The following DYTN variants were observed in gnomAD, a reference collection of about 807,000 sequenced individuals.
The protein encoded by DYTN is dystrotelin.
DYTN carries 75 observed loss-of-function variants against 69.6 expected under a neutral mutation model. The ratio of observed to expected loss-of-function variants is 1.08; its 90% confidence interval spans 0.89 to 1.31. The LOEUF (loss-of-function observed/expected upper bound fraction) is 1.31. Among genes scored for constraint, DYTN ranks in the 50% most tolerant of loss-of-function variants. The pLI is 0.00. For missense variants in DYTN, 726 were observed against 688.4 expected (o/e 1.05, Z -0.61); for synonymous variants, 252 against 249.1 (o/e 1.01, Z -0.11).
chr2:206,684,097 C>A (rs978480995), intron 9 of DYTN, among the ~76,000 whole-genome samples: 36 of 151,700 alleles, frequency 2.4e-4, no homozygotes, highest in Middle Eastern at 6.8e-3. Flanking sequence ...ATTGATGTAG[C>A]CCAAGTTCCT....
chr2:206,703,583 T>C (rs1244134711), intron 5 of DYTN, among the ~76,000 whole-genome samples: 1 of 152,238 alleles, frequency 6.6e-6, no homozygotes, highest in Non-Finnish European at 1.5e-5. Flanking sequence ...TAAATATTAA[T>C]TATTGTCATC....
intron 9 of DYTN, among the ~76,000 whole-genome samples, chr2:206,692,696 G>T (rs1435207331): frequency 1.3e-5 from 2 of 152,000 alleles, no homozygotes; most frequent in Non-Finnish European, 2.9e-5. Flanking sequence ...AACTAAGAAT[G>T]AAAAATTGTA....
chr2:206,704,991 T>C (rs16838626), intron 4 of DYTN, 48 bp from the exon 5 acceptor site: 437,400 of 1,458,980 alleles, frequency 0.3, 67,228 homozygotes, highest in East Asian at 0.47. Context: ...TTGCAATGTA[T>C]CTTTGAAGAG....
chr2:206,664,817 AC>A (rs1699552456), intron 10 of DYTN, among the ~76,000 whole-genome samples: 1 of 152,142 alleles, frequency 6.6e-6, no homozygotes, highest in Non-Finnish European at 1.5e-5. Context: ...AATTTTTTTC[AC>A]CCAGTATCAT....
chr2:206,705,912 C>T (rs1003197891), intron 3 of DYTN, 39 bp from the exon 4 acceptor site: 4 of 1,600,584 alleles, frequency 2.5e-6, no homozygotes, highest in South Asian at 1.1e-5. Context: ...AATGGGAAGG[C>T]CAGGGTTACC....
intron 7 of DYTN, 133 bp downstream of exon 7, chr2:206,699,594 A>G: frequency 9.2e-7 from 1 of 1,091,024 alleles, no homozygotes; most frequent in Non-Finnish European, 1.3e-6. Context: ...TTGCCAGGAA[A>G]TCATTGAGCC....
In DYTN at chr2:206,666,154, T is replaced by A. The variant is rs529900858; in HGVS notation, c.981-125A>T. The A allele has an allele frequency of 2.3e-6, 3 of 1,304,450 alleles. No homozygotes were observed. In the East Asian group the frequency reaches 7.3e-5, roughly 32 times the overall value. The allele number at this position is 1,304,450 out of a possible 1,614,324, so 80.8% of individuals were successfully genotyped here. On this transcript the variant is annotated intron_variant, in intron 9 of 11. Coordinates refer to ENST00000452335, the MANE Select transcript of DYTN (RefSeq NM_001093730.1). ...ATGCTGGAAAACCCTGTGTCTCAAC[T>A]GTGTTTTTTGTTGAGATGGAGCCTC...
intron 9 of DYTN, among the ~76,000 whole-genome samples, chr2:206,682,030 A>G (rs548768228): frequency 1.6e-4 from 24 of 152,258 alleles, no homozygotes; most frequent in Admixed American, 1.3e-3. Context: ...TTGGTAGGCC[A>G]TTACTTACTG....
intron 8 of DYTN, among the ~76,000 whole-genome samples, chr2:206,694,271 G>A (rs1699895820): frequency 6.6e-6 from 1 of 152,302 alleles, no homozygotes; most frequent in South Asian, 2.1e-4. Context: ...TGAAGTTTTA[G>A]TTGTATACTT....
chr2:206,659,606 T>C (rs952341732), intron 11 of DYTN, among the ~76,000 whole-genome samples: 2 of 152,110 alleles, frequency 1.3e-5, no homozygotes, highest in Non-Finnish European at 2.9e-5. Flanking sequence ...TTTGCTTGTT[T>C]CACTTTCCAC....
intron 9 of DYTN, among the ~76,000 whole-genome samples, chr2:206,690,576 T>C (rs1223833769): frequency 1.3e-5 from 2 of 152,008 alleles, no homozygotes; most frequent in Non-Finnish European, 2.9e-5. Flanking sequence ...ACCGCTGAGG[T>C]GGTGGCAGTA....
chr2:206,664,329 G>A (rs1269699406), intron 10 of DYTN, among the ~76,000 whole-genome samples: 1 of 152,134 alleles, frequency 6.6e-6, no homozygotes, highest in East Asian at 1.9e-4. Flanking sequence ...GAATGTCACT[G>A]CAAGGAGAAC....
rs796520807 is a variant in DYTN, at chr2:206,682,151, CTAGTTT to C, written c.980+11018_980+11023del. ...ATTTTTCCATTTTTTTCTAGATTTT[CTAGTTT>C]ATTTGCCTAGAGGTGTTTACAGTAT... On this transcript the variant is annotated intron_variant, in intron 9 of 11. Transcript: ENST00000452335. 1.8e-4 allele frequency among the ~76,000 whole-genome samples: 28 copies of C among 152,064 alleles called. 1 individual carries two copies. The highest frequency in any genetic ancestry group is 6.2e-4 in the South Asian group (3 of 4,824).
intron 6 of DYTN, 103 bp from the exon 7 acceptor site, chr2:206,699,993 A>T: frequency 6.5e-7 from 1 of 1,542,248 alleles, no homozygotes; most frequent in South Asian, 1.3e-5. Flanking sequence ...GAAGTTTATC[A>T]TAGGAAAAGC....
chr2:206,693,431 C>G, intron 8 of DYTN, 108 bp from the exon 9 acceptor site: 1 of 1,375,016 alleles, frequency 7.3e-7, no homozygotes, highest in South Asian at 1.4e-5. Context: ...AATTATTTCT[C>G]TTAAGTCCTC....
intron 9 of DYTN, among the ~76,000 whole-genome samples, chr2:206,690,674 T>A (rs1382437863): frequency 6.6e-6 from 1 of 152,176 alleles, no homozygotes; most frequent in Non-Finnish European, 1.5e-5. Context: ...TTGTATGACT[T>A]TATGAGCCAG....
At chr2:206,677,327 T>C (rs919162105) in intron 9 of DYTN, among the ~76,000 whole-genome samples, 1 of 152,224 alleles carries the variant, frequency 6.6e-6, no homozygotes, top group African/African-American at 2.4e-5. Context: ...TAGCTTTATG[T>C]TAATGGCTAT....
chr2:206,711,992 A>G (rs1700082781), intron 1 of DYTN, among the ~76,000 whole-genome samples: 1 of 149,500 alleles, frequency 6.7e-6, no homozygotes. Context: ...ATTTAGTCAT[A>G]TTATCTTTAA....
intron 3 of DYTN, 146 bp from the exon 4 acceptor site, chr2:206,706,019 A>G (rs1700021885): frequency 1.4e-6 from 1 of 707,876 alleles, no homozygotes. Context: ...TCCTATACCT[A>G]GAATTTAGCA....
Sources: allele counts gnomAD v4.1 joint callset (sites outside exome capture counted in the v4.1 genomes callset), GRCh38; gene constraint gnomAD v4.1.1; transcripts MANE v1.5; gene names NCBI Gene and HGNC (gene_info 2026-07-23, HGNC 2026-07-21).